The following PRKX variants were observed in gnomAD, a reference collection of about 807,000 sequenced individuals.
PRKX encodes the protein cAMP-dependent protein kinase catalytic subunit PRKX.
Under a neutral mutation model 22.0 loss-of-function variants are expected in PRKX, and 12 were observed. The ratio of observed to expected loss-of-function variants is 0.54; its 90% confidence interval spans 0.35 to 0.88. The LOEUF is 0.88. Among genes scored for constraint, PRKX ranks in the 40% least tolerant of loss-of-function variants. The probability of loss-of-function intolerance (pLI) is 0.01; values close to 1 mark genes in which losing one functional copy is unlikely to be tolerated. For synonymous variants in PRKX, 134 were observed against 137.7 expected (o/e 0.97, Z 0.19); for missense variants, 217 against 308.0 (o/e 0.70, Z 2.21).
At chrX:3,679,576 G>A (rs1928030225) in intron 1 of PRKX, among the ~76,000 whole-genome samples, 1 of 111,156 alleles carries the variant, frequency 9.0e-6, no homozygotes, top group African/African-American at 3.3e-5. Context: ...AGACTGTTCA[G>A]GCTTGATCCT....
rs1225853073 is a variant in PRKX, at chrX:3,604,640, CA to C, written c.*4328del. On this transcript the variant is annotated 3_prime_UTR_variant, in exon 9 of 9. Coordinates refer to ENST00000262848, the MANE Select transcript of PRKX (RefSeq NM_005044.5). ...TGTGCGCGGCATCCGGCGGCAGTGACAGGGGCCCCAGAAGCACGTTGGCAAC... is the reference window on the plus strand; with the variant it reads ...TGTGCGCGGCATCCGGCGGCAGTGACGGGGCCCCAGAAGCACGTTGGCAAC... 2.7e-5 allele frequency: 3 copies of C among 112,275 alleles called. No individual in the cohort carries two copies. Among genetic ancestry groups the C allele is most frequent in the East Asian group, 2.8e-4 (1 of 3,541 alleles). The allele number at this position is 112,275 out of a possible 1,213,427, so 9.3% of individuals were successfully genotyped here. A position where few individuals can be genotyped will look rare whatever the true frequency, so the allele number is the denominator to read the frequency against.
intron 1 of PRKX, among the ~76,000 whole-genome samples, chrX:3,686,427 G>A (rs1301245647): frequency 9.3e-6 from 1 of 107,691 alleles, no homozygotes; most frequent in Non-Finnish European, 1.9e-5. Flanking sequence ...TTTGGACATG[G>A]GGTCTCACTC....
At chrX:3,700,091 A>C (rs741422) in intron 1 of PRKX, among the ~76,000 whole-genome samples, 50,021 of 110,392 alleles carry the variant, frequency 0.45, 8,946 homozygotes, top group African/African-American at 0.63. Flanking sequence ...GACTACAAAA[A>C]ACCAAAATTA....
rs1926223720 is a variant in PRKX, at chrX:3,608,302, T to C, written c.*667A>G. The C allele has an allele frequency of 2.7e-5, 3 of 110,356 alleles. No individual in the cohort carries two copies. Among genetic ancestry groups the C allele is most frequent in the Non-Finnish European group, 5.7e-5 (3 of 52,931 alleles). 9.1% of individuals were successfully genotyped at this position (110,356 alleles called of 1,213,427 possible). A position where few individuals can be genotyped will look rare whatever the true frequency, so the allele number is the denominator to read the frequency against. ...CGCTCCCATATCTTCCCCTCTTTGT[T>C]TCTTCTTTTAAAGTCTCAAGTTACC... On this transcript the variant is annotated 3_prime_UTR_variant, in exon 9 of 9. Transcript: ENST00000262848.
chrX:3,638,284 T>TTC (rs56029390), intron 4 of PRKX, among the ~76,000 whole-genome samples: 53,746 of 109,842 alleles, frequency 0.49, 9,917 homozygotes, highest in East Asian at 0.65. Context: ...GAGACTAATA[T>TTC]TGTTTTAACT....
chrX:3,663,512 C>T (rs189651526), intron 2 of PRKX, among the ~76,000 whole-genome samples: 1 of 101,594 alleles, frequency 9.8e-6, no homozygotes, highest in African/African-American at 3.6e-5. Flanking sequence ...ACTTGTGGTC[C>T]CAGCTACTTG....
intron 1 of PRKX, among the ~76,000 whole-genome samples, chrX:3,683,627 G>A (rs758558315): frequency 2.0e-4 from 22 of 111,558 alleles, no homozygotes; most frequent in South Asian, 1.1e-3. Context: ...ACTTGAGGCC[G>A]GGAGTTCAAG....
At chrX:3,671,221 A>G (rs935678379) in intron 2 of PRKX, among the ~76,000 whole-genome samples, 25 of 110,397 alleles carry the variant, frequency 2.3e-4, no homozygotes, top group African/African-American at 8.2e-4. Flanking sequence ...TTTTTAGTAG[A>G]GACAGGGTTT....
intron 1 of PRKX, among the ~76,000 whole-genome samples, chrX:3,693,599 T>C (rs1397187998): frequency 9.0e-6 from 1 of 111,185 alleles, no homozygotes; most frequent in African/African-American, 3.3e-5. Context: ...AAAATATGTC[T>C]ACATCCTAAC....
At position 3,713,372 on chromosome X, in the gene PRKX, C is replaced by T; in HGVS notation, c.-119G>A. 1.7e-6 allele frequency: 1 copy of T among 605,424 alleles called. No homozygotes were observed. The highest frequency in any genetic ancestry group is 2.2e-6 in the Non-Finnish European group (1 of 454,025). 49.9% of individuals were successfully genotyped at this position (605,424 alleles called of 1,213,427 possible). ...GGCATCAACAGAGGCTCCCCATGCG[C>T]GCTCTCGCCTCCTGGTGCGCGGTCC... On this transcript the variant is annotated 5_prime_UTR_variant, in exon 1 of 9. Transcript: ENST00000262848.
chrX:3,660,497 ACTCT>A (rs756238246), intron 2 of PRKX, among the ~76,000 whole-genome samples: 83 of 109,854 alleles, frequency 7.6e-4, no homozygotes, highest in African/African-American at 2.1e-3. Flanking sequence ...ATACAAACAC[ACTCT>A]CTCTCTCTCT....
rs776779272 is a variant in PRKX, at chrX:3,640,002, C to CCT, written c.719+1848_719+1849dup. Reference sequence around the variant, plus strand: ...GACACGCCTTCCAGGCAGGAGAATGCCTCTCTTCCTTCCCTCCTTTGTTTC... The same window carrying CCT: ...GACACGCCTTCCAGGCAGGAGAATGCCTCTCTCTTCCTTCCCTCCTTTGTTTC... On this transcript the variant is annotated intron_variant, in intron 4 of 8. Coordinates refer to ENST00000262848, the MANE Select transcript of PRKX (RefSeq NM_005044.5). 3.6e-5 allele frequency among the ~76,000 whole-genome samples: 4 copies of CCT among 111,331 alleles called. No homozygotes were observed. The East Asian group carries it at 8.6e-4, about 24-fold the overall frequency.
intron 1 of PRKX, among the ~76,000 whole-genome samples, chrX:3,709,281 T>A (rs770670482): frequency 3.5e-4 from 39 of 110,441 alleles, no homozygotes; most frequent in African/African-American, 1.3e-3. Flanking sequence ...CCCACGGATA[T>A]GAAGACGTCA....
At chrX:3,681,914 C>T (rs1445225000) in intron 1 of PRKX, among the ~76,000 whole-genome samples, 1 of 110,345 alleles carries the variant, frequency 9.1e-6, no homozygotes, top group Non-Finnish European at 1.9e-5. Context: ...TCACGATGCC[C>T]ATTCATACTA....
chrX:3,653,292 G>A (rs111467804), intron 3 of PRKX, among the ~76,000 whole-genome samples: 1 of 110,098 alleles, frequency 9.1e-6, no homozygotes, highest in African/African-American at 3.3e-5. Context: ...AGAAGGCGCC[G>A]TCTACGAACC....
At chrX:3,701,321 G>C (rs1248130504) in intron 1 of PRKX, among the ~76,000 whole-genome samples, 2 of 111,687 alleles carry the variant, frequency 1.8e-5, no homozygotes, top group African/African-American at 6.5e-5. Flanking sequence ...GTCCAGGCTA[G>C]TCTAGAACTG....
rs762089932 is a variant in PRKX at position 3,689,695 on chromosome X, G to T, written c.167-14929C>A. Among the ~76,000 whole-genome samples, 22 of 111,123 alleles carry T rather than the reference G, an allele frequency of 2.0e-4. 2 individuals carry two copies. Among genetic ancestry groups the T allele is most frequent in the Admixed American group, 1.7e-3 (18 of 10,407 alleles). ...ACTCTGTCTCAAAAAATGAATGAATGGGCTGGGCGCGGTGGCTCACACCTG... is the reference window on the plus strand; with the variant it reads ...ACTCTGTCTCAAAAAATGAATGAATTGGCTGGGCGCGGTGGCTCACACCTG... On this transcript the variant is annotated intron_variant, in intron 1 of 8. Coordinates refer to ENST00000262848, the MANE Select transcript of PRKX (RefSeq NM_005044.5).
chrX:3,609,105 TC>T (rs1189349731), intron 8 of PRKX, among the ~76,000 whole-genome samples, 160 bp from the exon 9 acceptor site: 5 of 112,206 alleles, frequency 4.5e-5, no homozygotes, highest in African/African-American at 1.6e-4. Context: ...AAGCCTGAAT[TC>T]TAAAAGGAGA....
Position 3,655,253 on chromosome X carries a change from G to C in PRKX, c.495C>G (p.Ser165=), listed in dbSNP as rs761937594. The change falls in exon 3 of 9, where the codon TCC becomes TCG. Residue 165 remains serine (S), a synonymous_variant. Transcript: ENST00000262848. ...EIICAIEYLH[S]KEIVYRDLKP... Reference sequence around the variant, plus strand: ...TCAAGTCCCTGTAGACGATCTCTTTGGAGTGCAGGTACTCGATGGCACAGA... The same window carrying C: ...TCAAGTCCCTGTAGACGATCTCTTTCGAGTGCAGGTACTCGATGGCACAGA... 2 of 1,212,144 alleles carry C rather than the reference G, an allele frequency of 1.6e-6. No homozygotes were observed. The highest frequency in any genetic ancestry group is 4.3e-5 in the Admixed American group (2 of 46,078).
Sources: allele counts gnomAD v4.1 joint callset (sites outside exome capture counted in the v4.1 genomes callset), GRCh38; gene constraint gnomAD v4.1.1; transcripts MANE v1.5; gene names NCBI Gene and HGNC (gene_info 2026-07-23, HGNC 2026-07-21).